The following ANXA8 variants were observed in gnomAD, a reference collection of about 807,000 sequenced individuals.
ANXA8 encodes annexin A8.
A neutral mutation model predicts 26.8 loss-of-function variants in ANXA8; 9 were observed. The observed-to-expected ratio is 0.34, with a 90% CI of 0.20 to 0.59. The LOEUF is 0.59. Among genes scored for constraint, ANXA8 ranks in the 20% least tolerant of loss-of-function variants. The pLI is 0.84. For missense variants in ANXA8, 83 were observed against 238.5 expected (o/e 0.35, Z 4.29); for synonymous variants, 39 against 94.8 (o/e 0.41, Z 3.42).
At chr10:47,639,028 ATAAT>A in the ANXA8 span, among the ~76,000 whole-genome samples, 1 of 150,534 alleles carries the variant, frequency 6.6e-6, no homozygotes, top group Non-Finnish European at 1.5e-5. Context: ...AAATATAGAA[ATAAT>A]TAAAACACTT....
At chr10:47,974,841 T>C in the ANXA8 span, among the ~76,000 whole-genome samples, 3 of 149,844 alleles carry the variant, frequency 2.0e-5, no homozygotes, top group Non-Finnish European at 4.5e-5. Flanking sequence ...GAATATGTTC[T>C]GTGTACAGAT....
At chr10:47,775,077 G>A in the ANXA8 span, among the ~76,000 whole-genome samples, 1 of 151,086 alleles carries the variant, frequency 6.6e-6, no homozygotes, top group Non-Finnish European at 1.5e-5. Context: ...CAACTTTTGG[G>A]AGCCATAATA....
At chr10:47,526,531 A>G in the ANXA8 span, among the ~76,000 whole-genome samples, 1 of 131,758 alleles carries the variant, frequency 7.6e-6, no homozygotes, top group Admixed American at 7.4e-5. Flanking sequence ...GCAGATACAC[A>G]AACAAAGGCT....
chr10:47,748,107 T>C, the ANXA8 span, among the ~76,000 whole-genome samples: 4 of 152,140 alleles, frequency 2.6e-5, no homozygotes, highest in African/African-American at 9.6e-5. Context: ...GAAGGAACAG[T>C]TAAATAAATA....
the ANXA8 span, among the ~76,000 whole-genome samples, chr10:47,968,353 C>T: frequency 6.7e-6 from 1 of 149,632 alleles, no homozygotes. Context: ...AGAGCTTCTG[C>T]CTCCAAAATT....
chr10:47,944,613 G>T, the ANXA8 span, among the ~76,000 whole-genome samples: 7 of 150,480 alleles, frequency 4.7e-5, no homozygotes, highest in African/African-American at 1.7e-4. Context: ...CTGTTCTCGT[G>T]ATGCTGAATA....
the ANXA8 span, among the ~76,000 whole-genome samples, chr10:47,778,762 T>C: frequency 2.6e-5 from 4 of 152,026 alleles, no homozygotes; most frequent in African/African-American, 9.6e-5. Context: ...TCAGGCACAG[T>C]ATTTTTTTGG....
the ANXA8 span, among the ~76,000 whole-genome samples, chr10:47,983,344 C>T: frequency 2.7e-5 from 3 of 110,402 alleles, no homozygotes; most frequent in East Asian, 2.1e-4. Flanking sequence ...TCCAAATGTC[C>T]GTCAACGAAT....
chr10:47,669,578 G>A, the ANXA8 span, among the ~76,000 whole-genome samples: 13 of 151,706 alleles, frequency 8.6e-5, no homozygotes, highest in Non-Finnish European at 1.6e-4. Context: ...AACCCGGTGT[G>A]GTGGTGCACG....
chr10:47,585,370 C>CTCTTACATGTTA, the ANXA8 span, among the ~76,000 whole-genome samples: 1 of 139,192 alleles, frequency 7.2e-6, no homozygotes, highest in African/African-American at 2.8e-5. Context: ...CTATACTAGA[C>CTCTTACATGTTA]TCTTACATGT....
At chr10:47,595,304 A>G in the ANXA8 span, among the ~76,000 whole-genome samples, 24 of 146,916 alleles carry the variant, frequency 1.6e-4, no homozygotes, top group South Asian at 5.1e-3. Flanking sequence ...ACACAGAAAA[A>G]GCACAGTTAA....
the ANXA8 span, among the ~76,000 whole-genome samples, chr10:47,645,693 A>G: frequency 3.6e-4 from 55 of 151,498 alleles, 1 homozygote; most frequent in African/African-American, 1.2e-3. Context: ...ATAAAACATT[A>G]TTTCTGAGTA....
At chr10:47,469,319 G>C (rs1397152115) in intron 11 of ANXA8, among the ~76,000 whole-genome samples, 166 of 150,744 alleles carry the variant, frequency 1.1e-3, no homozygotes, top group South Asian at 4.7e-3. Context: ...GCACACACCT[G>C]GGGGCAGGGC....
chr10:47,776,225 C>A, the ANXA8 span, among the ~76,000 whole-genome samples: 1 of 149,750 alleles, frequency 6.7e-6, no homozygotes, highest in African/African-American at 2.5e-5. Flanking sequence ...ATAACAAACC[C>A]ATTTTTTCCC....
the ANXA8 span, among the ~76,000 whole-genome samples, chr10:47,950,148 A>G: frequency 1.3e-5 from 2 of 151,006 alleles, no homozygotes; most frequent in Non-Finnish European, 3.0e-5. Flanking sequence ...AATATGCAGA[A>G]CAAGAAATAA....
chr10:47,777,584 AAC>A, the ANXA8 span, among the ~76,000 whole-genome samples: 1 of 152,198 alleles, frequency 6.6e-6, no homozygotes, highest in African/African-American at 2.4e-5. Flanking sequence ...AAGAGGGAAA[AAC>A]ACACCCACCA....
the ANXA8 span, among the ~76,000 whole-genome samples, chr10:47,600,246 C>T: frequency 1.3e-5 from 2 of 149,754 alleles, no homozygotes; most frequent in Non-Finnish European, 2.9e-5. Context: ...CCCTTTGAAT[C>T]GCTGTGAACA....
the ANXA8 span, among the ~76,000 whole-genome samples, chr10:47,771,476 A>G: frequency 6.6e-6 from 1 of 151,278 alleles, no homozygotes; most frequent in East Asian, 2.0e-4. Flanking sequence ...CTGACCAAAT[A>G]AATAATCTAC....
At chr10:47,671,125 A>G in the ANXA8 span, among the ~76,000 whole-genome samples, 1 of 151,974 alleles carries the variant, frequency 6.6e-6, no homozygotes, top group Non-Finnish European at 1.5e-5. Context: ...TGTTATTAAT[A>G]TTAAAGATTA....
Sources: gnomAD v4.1 joint callset for allele counts (sites outside exome capture counted in the v4.1 genomes callset) on GRCh38, gnomAD v4.1.1 for gene constraint, MANE v1.5 for transcripts, NCBI Gene and HGNC (gene_info 2026-07-23, HGNC 2026-07-21) for gene names.